CSRNP3: variants seen among roughly 807,000 people sequenced by gnomAD.
CSRNP3 encodes the protein cysteine and serine rich nuclear protein 3.
Under a neutral mutation model 48.0 loss-of-function variants are expected in CSRNP3, and 12 were observed. The ratio of observed to expected loss-of-function variants is 0.25; its 90% CI spans 0.16 to 0.41. The LOEUF is 0.41. CSRNP3 is among the 10% of genes least tolerant of loss of function. The probability of loss-of-function intolerance (pLI) is 1.00; values close to 1 mark genes in which losing one functional copy is unlikely to be tolerated. For missense variants in CSRNP3, 580 were observed against 724.4 expected, an observed-to-expected ratio of 0.80 and a Z score of 2.29; for synonymous variants, 263 against 269.7, an observed-to-expected ratio of 0.98 and a Z score of 0.24.
chr2:165,627,760 T>C (rs1321979364), intron 4 of CSRNP3, among the ~76,000 whole-genome samples: 1 of 152,180 alleles, frequency 6.6e-6, no homozygotes, highest in Non-Finnish European at 1.5e-5. Flanking sequence ...GTAACTATGG[T>C]TGAAAAGATG....
intron 3 of CSRNP3, among the ~76,000 whole-genome samples, chr2:165,584,428 A>C (rs1303472113): frequency 6.6e-6 from 1 of 152,190 alleles, no homozygotes; most frequent in Non-Finnish European, 1.5e-5. Context: ...TGAAACAAAG[A>C]GCTAGGTAGT....
intron 4 of CSRNP3, among the ~76,000 whole-genome samples, chr2:165,653,657 G>T (rs1424118667): frequency 6.6e-6 from 1 of 152,194 alleles, no homozygotes; most frequent in Admixed American, 6.5e-5. Flanking sequence ...GCCACCAATT[G>T]TCTAAAAAGT....
chr2:165,569,956 T>C (rs576203088), intron 3 of CSRNP3, among the ~76,000 whole-genome samples: 127 of 152,206 alleles, frequency 8.3e-4, no homozygotes, highest in African/African-American at 2.5e-3. Flanking sequence ...TTGTCTGTGT[T>C]GTTAGAATAA....
intron 2 of CSRNP3, among the ~76,000 whole-genome samples, chr2:165,511,717 C>T (rs775913775): frequency 6.6e-5 from 10 of 151,990 alleles, no homozygotes; most frequent in East Asian, 1.9e-4. Flanking sequence ...TCTCTTTGAG[C>T]GATATCATAG....
intron 2 of CSRNP3, among the ~76,000 whole-genome samples, chr2:165,501,549 G>A (rs1684359546): frequency 6.6e-6 from 1 of 152,170 alleles, no homozygotes; most frequent in Non-Finnish European, 1.5e-5. Flanking sequence ...CTGAATGGGA[G>A]TAATCAGAAT....
At chr2:165,653,691 G>T (rs1219323345) in intron 4 of CSRNP3, among the ~76,000 whole-genome samples, 3 of 151,954 alleles carry the variant, frequency 2.0e-5, no homozygotes, top group Non-Finnish European at 4.4e-5. Flanking sequence ...ACCAGAGGTG[G>T]CTGGGCACAG....
Position 165,652,239 on chromosome 2 carries a change from C to T in CSRNP3, c.149-5522C>T, listed in dbSNP as rs535329706. Among the ~76,000 whole-genome samples, 5 of 152,032 alleles carry T rather than the reference C, an allele frequency of 3.3e-5. No homozygotes were observed. The South Asian group carries it at 6.2e-4, about 19-fold the overall frequency. ...TAAAAAATAGTGTCAAGGCTGGGCA[C>T]GGTGGCTCACGCCTGTAATCCCAGC... On this transcript the variant is annotated intron_variant, in intron 4 of 6. Transcript: ENST00000651982.
At chr2:165,613,105 A>G (rs1686167978) in intron 4 of CSRNP3, among the ~76,000 whole-genome samples, 1 of 152,052 alleles carries the variant, frequency 6.6e-6, no homozygotes, top group Admixed American at 6.6e-5. Flanking sequence ...CTTTTTTATG[A>G]AAGCCATTCT....
At chr2:165,627,432 C>T (rs1313628113) in intron 4 of CSRNP3, among the ~76,000 whole-genome samples, 1 of 152,126 alleles carries the variant, frequency 6.6e-6, no homozygotes, top group Admixed American at 6.5e-5. Context: ...GGCAGCTTTT[C>T]TGAGTTCTTT....
intron 1 of CSRNP3, among the ~76,000 whole-genome samples, chr2:165,484,744 TTC>T (rs1684090537): frequency 6.6e-6 from 1 of 152,186 alleles, no homozygotes. Flanking sequence ...TAGCATCCTA[TTC>T]TCTCTCACAA....
chr2:165,640,532 C>A (rs1244819710), intron 4 of CSRNP3, among the ~76,000 whole-genome samples: 4 of 152,176 alleles, frequency 2.6e-5, no homozygotes, highest in Admixed American at 6.6e-5. Context: ...AGGCCACTAG[C>A]AGTCTGGTAC....
At chr2:165,490,152 C>G (rs1363188112) in intron 1 of CSRNP3, among the ~76,000 whole-genome samples, 5 of 147,346 alleles carry the variant, frequency 3.4e-5, no homozygotes, top group African/African-American at 5.0e-5. Flanking sequence ...TATACACCAA[C>G]AACAGACAAA....
At chr2:165,520,796 T>TATATATTATATAC (rs1684647014) in intron 3 of CSRNP3, among the ~76,000 whole-genome samples, 1 of 18,448 alleles carries the variant, frequency 5.4e-5, no homozygotes, top group African/African-American at 3.2e-4. Context: ...TATATATATA[T>TATATATTATATAC]ATATATATAT....
intron 2 of CSRNP3, among the ~76,000 whole-genome samples, chr2:165,512,225 C>A (rs1442478576): frequency 1.3e-5 from 2 of 152,058 alleles, no homozygotes; most frequent in Non-Finnish European, 2.9e-5. Flanking sequence ...GTTTTTCAAT[C>A]CCTTCTGTGG....
At chr2:165,590,052 T>A (rs1313858761) in intron 3 of CSRNP3, among the ~76,000 whole-genome samples, 1 of 152,226 alleles carries the variant, frequency 6.6e-6, no homozygotes, top group East Asian at 1.9e-4. Flanking sequence ...AAAATTTATA[T>A]CCTGTCCTAC....
chr2:165,504,891 A>T (rs556415262), intron 2 of CSRNP3, among the ~76,000 whole-genome samples: 3 of 152,282 alleles, frequency 2.0e-5, no homozygotes, highest in South Asian at 2.1e-4. Context: ...ATTGCTGCAT[A>T]TGAGCAGACT....
intron 3 of CSRNP3, among the ~76,000 whole-genome samples, chr2:165,532,975 A>G (rs1261080016): frequency 6.6e-6 from 1 of 152,102 alleles, no homozygotes; most frequent in African/African-American, 2.4e-5. Context: ...TTCAAAGAGA[A>G]TAAAATACCT....
chr2:165,593,874 A>C lies in CSRNP3; in HGVS notation c.-23-1169A>C, dbSNP rs149354540. Among the ~76,000 whole-genome samples the C allele has an allele frequency of 3.0e-3, 463 of 152,348 alleles. 4 individuals are homozygous for C. Among genetic ancestry groups the C allele is most frequent in the African/African-American group, 0.011 (441 of 41,576 alleles). ...AATCTGAAATCTAAAATGTTCTAAA[A>C]TTCAAAACTTTTTGAGCACCTACAT... is the stretch of plus-strand genomic sequence containing the variant. On this transcript the variant is annotated intron_variant, in intron 3 of 6. Transcript: ENST00000651982.
At chr2:165,527,064 G>A (rs900687194) in intron 3 of CSRNP3, among the ~76,000 whole-genome samples, 2 of 152,070 alleles carry the variant, frequency 1.3e-5, no homozygotes, top group African/African-American at 4.8e-5. Flanking sequence ...AAATAGCTAT[G>A]AAAAGTAAAC....
Sources: gnomAD v4.1 joint callset for allele counts (sites outside exome capture counted in the v4.1 genomes callset) on GRCh38, gnomAD v4.1.1 for gene constraint, MANE v1.5 for transcripts, NCBI Gene and HGNC (gene_info 2026-07-23, HGNC 2026-07-21) for gene names.